The following CABCOCO1 variants were observed in gnomAD, a reference collection of about 807,000 sequenced individuals.
The protein encoded by CABCOCO1 is ciliary-associated calcium-binding coiled-coil protein 1.
A neutral mutation model predicts 35.7 loss-of-function variants in CABCOCO1; 28 were observed. The ratio of observed to expected loss-of-function variants is 0.78; its 90% CI spans 0.58 to 1.07. CABCOCO1 has a LOEUF of 1.07. Ranked by LOEUF, CABCOCO1 falls within the 50% of genes least tolerant of loss-of-function variation. CABCOCO1 has a pLI of 0.00. For missense variants in CABCOCO1, 326 were observed against 309.2 expected (o/e 1.05, Z -0.41); for synonymous variants, 95 against 100.1 (o/e 0.95, Z 0.30).
At chr10:61,690,421 A>T in intron 4 of CABCOCO1, 128 bp from the exon 5 acceptor site, 2 of 566,348 alleles carry the variant, frequency 3.5e-6, no homozygotes, top group Non-Finnish European at 3.1e-6. Context: ...GGAGGATGCT[A>T]AGTCTGTTTT....
intron 5 of CABCOCO1, among the ~76,000 whole-genome samples, chr10:61,714,238 G>C (rs1840803713): frequency 6.6e-6 from 1 of 152,058 alleles, no homozygotes; most frequent in Non-Finnish European, 1.5e-5. Flanking sequence ...TTTAGTCTTG[G>C]GAGGGTCTAT....
intron 5 of CABCOCO1, among the ~76,000 whole-genome samples, chr10:61,699,432 C>G (rs1230985593): frequency 1.3e-5 from 2 of 152,080 alleles, no homozygotes; most frequent in Non-Finnish European, 2.9e-5. Context: ...GACTGTCACC[C>G]AAGTCTTCCC....
rs539578697 is a variant in CABCOCO1, at chr10:61,665,538, T to C, written c.60+2506T>C. ...TAAATGTGTACTTGGAATTCAGTGA[T>C]CGATTTTGTATCAATAATTTTTTTC... On this transcript the variant is annotated intron_variant, in intron 1 of 7. Transcript: ENST00000648843. Among the ~76,000 whole-genome samples, 237 of 122,496 alleles carry C rather than the reference T, an allele frequency of 1.9e-3. 1 individual carries two copies. The highest frequency in any genetic ancestry group is 6.4e-3 in the African/African-American group (222 of 34,544). 80.4% of individuals were successfully genotyped at this position (122,496 alleles called of 152,430 possible).
At chr10:61,665,484 C>T (rs1022795242) in intron 1 of CABCOCO1, among the ~76,000 whole-genome samples, 2 of 152,108 alleles carry the variant, frequency 1.3e-5, no homozygotes, top group African/African-American at 4.8e-5. Context: ...ATATTTGTTA[C>T]GCATAGACCT....
intron 2 of CABCOCO1, among the ~76,000 whole-genome samples, chr10:61,676,971 G>A (rs1186108183): frequency 6.6e-6 from 1 of 152,002 alleles, no homozygotes; most frequent in African/African-American, 2.4e-5. Context: ...GGCTGAGACA[G>A]GAGAATGGCA....
chr10:61,747,527 G>C (rs1250167544), intron 5 of CABCOCO1, among the ~76,000 whole-genome samples: 1 of 152,114 alleles, frequency 6.6e-6, no homozygotes, highest in Non-Finnish European at 1.5e-5. Context: ...CTTAATTGTA[G>C]ATTGTATAAT....
At chr10:61,719,435 G>A (rs1840943135) in intron 5 of CABCOCO1, among the ~76,000 whole-genome samples, 1 of 151,526 alleles carries the variant, frequency 6.6e-6, no homozygotes, top group African/African-American at 2.4e-5. Context: ...ATAGTTACAG[G>A]TTACACATGA....
At chr10:61,698,050 A>T (rs78292943) in intron 5 of CABCOCO1, among the ~76,000 whole-genome samples, 17,832 of 152,128 alleles carry the variant, frequency 0.12, 1,386 homozygotes, top group African/African-American at 0.19. Flanking sequence ...ATATTTATTC[A>T]GCTTAATTTC....
chr10:61,752,387 G>A (rs931963680), intron 5 of CABCOCO1, among the ~76,000 whole-genome samples: 12 of 150,758 alleles, frequency 8.0e-5, no homozygotes, highest in African/African-American at 2.9e-4. Context: ...AAAGGGTAGG[G>A]GCTAGGGAGA....
chr10:61,710,024 T>A (rs1025125301), intron 5 of CABCOCO1, among the ~76,000 whole-genome samples: 2 of 152,076 alleles, frequency 1.3e-5, no homozygotes, highest in Admixed American at 6.6e-5. Flanking sequence ...AAATTTTTGT[T>A]ACCTCAAAAT....
At chr10:61,673,287 C>T (rs1839414615) in intron 2 of CABCOCO1, among the ~76,000 whole-genome samples, 1 of 152,094 alleles carries the variant, frequency 6.6e-6, no homozygotes, top group African/African-American at 2.4e-5. Flanking sequence ...ACTCTTTAGG[C>T]CATTTATTTC....
intron 5 of CABCOCO1, among the ~76,000 whole-genome samples, 194 bp downstream of exon 5, chr10:61,690,815 A>G (rs1469428814): frequency 6.6e-6 from 1 of 152,190 alleles, no homozygotes. Context: ...GTCTTTTGGC[A>G]TTAAAAGCAT....
chr10:61,720,325 C>G (rs1264950940), intron 5 of CABCOCO1, among the ~76,000 whole-genome samples: 3 of 151,888 alleles, frequency 2.0e-5, no homozygotes, highest in Non-Finnish European at 4.4e-5. Flanking sequence ...ATTTTAGCAG[C>G]TTTACATGCA....
At chr10:61,683,829 A>G (rs1839873299) in intron 3 of CABCOCO1, among the ~76,000 whole-genome samples, 1 of 152,170 alleles carries the variant, frequency 6.6e-6, no homozygotes, top group South Asian at 2.1e-4. Context: ...CTAATTTTTA[A>G]AGCAATTATC....
chr10:61,716,625 A>C (rs1025362829), intron 5 of CABCOCO1, among the ~76,000 whole-genome samples: 1 of 152,034 alleles, frequency 6.6e-6, no homozygotes, highest in African/African-American at 2.4e-5. Flanking sequence ...TTTTATCTCT[A>C]CCTTTCTTGG....
At chr10:61,720,130 T>C (rs1372385964) in intron 5 of CABCOCO1, among the ~76,000 whole-genome samples, 1 of 151,904 alleles carries the variant, frequency 6.6e-6, no homozygotes, top group Non-Finnish European at 1.5e-5. Context: ...AAACGCAGGA[T>C]CTGAAGAACA....
intron 5 of CABCOCO1, among the ~76,000 whole-genome samples, chr10:61,694,859 A>C (rs1179001296): frequency 1.3e-5 from 2 of 152,128 alleles, no homozygotes; most frequent in Non-Finnish European, 2.9e-5. Context: ...GGGTCTGCAC[A>C]AGACCACGTT....
intron 3 of CABCOCO1, 123 bp downstream of exon 3, chr10:61,681,435 G>T: frequency 3.0e-6 from 2 of 677,528 alleles, no homozygotes; most frequent in Admixed American, 7.4e-5. Flanking sequence ...TTTTTCCTGA[G>T]TATAACAAAT....
intron 5 of CABCOCO1, among the ~76,000 whole-genome samples, chr10:61,713,619 C>A (rs1284028668): frequency 6.6e-6 from 1 of 151,758 alleles, no homozygotes; most frequent in East Asian, 1.9e-4. Context: ...CCAGTTGTTG[C>A]CCATTCCGTA....
Sources: gnomAD v4.1 joint callset for allele counts (sites outside exome capture counted in the v4.1 genomes callset) on GRCh38, gnomAD v4.1.1 for gene constraint, MANE v1.5 for transcripts, NCBI Gene and HGNC (gene_info 2026-07-23, HGNC 2026-07-21) for gene names.